Variants in SPOCK1 observed in about 807,000 individuals in gnomAD.
SPOCK1 encodes the protein SPARC (osteonectin), cwcv and kazal like domains proteoglycan 1, also known as testican-1.
Under a neutral mutation model 55.3 loss-of-function variants are expected in SPOCK1, and 23 were observed. The observed-to-expected ratio is 0.42, with a 90% confidence interval of 0.30 to 0.59. SPOCK1 has a LOEUF of 0.59. SPOCK1 is among the 20% of genes least tolerant of loss of function. The probability of loss-of-function intolerance (pLI) is 0.22; values close to 1 mark genes in which losing one functional copy is unlikely to be tolerated. For synonymous variants in SPOCK1, 226 were observed against 221.0 expected, an observed-to-expected ratio of 1.02 and a Z score of -0.20; for missense variants, 499 against 552.5, an observed-to-expected ratio of 0.90 and a Z score of 0.97.
chr5:137,183,839 G>A (rs1755016274), intron 3 of SPOCK1, among the ~76,000 whole-genome samples: 2 of 152,174 alleles, frequency 1.3e-5, no homozygotes. Context: ...CAGACTGCCT[G>A]GATTAAAATT....
chr5:137,063,862 C>A (rs1366153296), intron 6 of SPOCK1, among the ~76,000 whole-genome samples: 2 of 152,202 alleles, frequency 1.3e-5, no homozygotes, highest in Non-Finnish European at 2.9e-5. Flanking sequence ...CTAAAAGAAC[C>A]TAATGCATAT....
chr5:137,365,232 A>G (rs1203763731), intron 2 of SPOCK1: 1 of 152,250 alleles, frequency 6.6e-6, no homozygotes, highest in East Asian at 1.9e-4. Context: ...TGGCCAGTAA[A>G]CAAGTGAGGA....
chr5:137,120,536 G>T (rs1411495861), intron 4 of SPOCK1, among the ~76,000 whole-genome samples: 3 of 152,190 alleles, frequency 2.0e-5, no homozygotes, highest in Non-Finnish European at 2.9e-5. Flanking sequence ...ATAGATGAGA[G>T]GATTGAACAG....
At chr5:137,140,381 A>T (rs193264830) in intron 4 of SPOCK1, among the ~76,000 whole-genome samples, 199 bp downstream of exon 4, 6 of 152,328 alleles carry the variant, frequency 3.9e-5, no homozygotes, top group African/African-American at 1.4e-4. Context: ...GGAAATAAAG[A>T]TGGACATTCT....
chr5:137,288,379 G>C (rs1330592273), intron 2 of SPOCK1, among the ~76,000 whole-genome samples: 1 of 152,172 alleles, frequency 6.6e-6, no homozygotes. Context: ...TTGACAATAA[G>C]CTGCCCACAA....
At chr5:137,101,275 T>C (rs1753260856) in intron 5 of SPOCK1, among the ~76,000 whole-genome samples, 1 of 152,252 alleles carries the variant, frequency 6.6e-6, no homozygotes, top group African/African-American at 2.4e-5. Context: ...CCTTTCTGTC[T>C]TTTAAAGGAT....
At chr5:137,279,022 A>G (rs558790358) in intron 2 of SPOCK1, among the ~76,000 whole-genome samples, 3 of 152,160 alleles carry the variant, frequency 2.0e-5, no homozygotes, top group South Asian at 4.2e-4. Flanking sequence ...ACAGAGACAG[A>G]GTGAGGCTAA....
intron 2 of SPOCK1, among the ~76,000 whole-genome samples, chr5:137,460,236 A>T (rs1213826843): frequency 6.6e-6 from 1 of 152,180 alleles, no homozygotes; most frequent in Non-Finnish European, 1.5e-5. Flanking sequence ...GCAATGGCTC[A>T]AGAAGTCTGG....
intron 3 of SPOCK1, among the ~76,000 whole-genome samples, chr5:137,175,069 A>C (rs1177499451): frequency 6.6e-6 from 1 of 152,220 alleles, no homozygotes; most frequent in African/African-American, 2.4e-5. Flanking sequence ...GCCCTCAAGG[A>C]GTTCACACAA....
At chr5:137,243,278 G>A (rs565853795) in intron 3 of SPOCK1, among the ~76,000 whole-genome samples, 8 of 152,080 alleles carry the variant, frequency 5.3e-5, no homozygotes, top group East Asian at 3.9e-4. Flanking sequence ...CATAATCGGC[G>A]GCTATTTTTT....
chr5:137,301,590 A>T (rs1757589857), intron 2 of SPOCK1, among the ~76,000 whole-genome samples: 1 of 148,312 alleles, frequency 6.7e-6, no homozygotes, highest in Non-Finnish European at 1.5e-5. Context: ...TCCGGTTGTG[A>T]TCTTCAGGAA....
rs374262134 is a variant in SPOCK1, at chr5:137,076,008, C to T, written c.475-8179G>A. Among the ~76,000 whole-genome samples the T allele has an allele frequency of 1.8e-4, 28 of 152,320 alleles. No individual in the cohort carries two copies. In the East Asian group the frequency reaches 3.7e-3, roughly 20 times the overall value. On this transcript the variant is annotated intron_variant, in intron 5 of 10. Coordinates refer to ENST00000394945, the MANE Select transcript of SPOCK1 (RefSeq NM_004598.4). The stretch of plus-strand genomic sequence containing the variant: ...TGCAGATGAGGAAGGACTTGAAGTT[C>T]CTGGGCCTGTCATCCTCTCTAGGAG...
At chr5:137,224,353 C>G (rs2127089564) in intron 3 of SPOCK1, among the ~76,000 whole-genome samples, 1 of 152,342 alleles carries the variant, frequency 6.6e-6, no homozygotes, top group Middle Eastern at 3.4e-3. Context: ...GCAGGGTATA[C>G]ACATACATTG....
intron 5 of SPOCK1, among the ~76,000 whole-genome samples, chr5:137,100,599 T>C (rs1325247087): frequency 2.0e-5 from 3 of 152,216 alleles, no homozygotes; most frequent in Non-Finnish European, 2.9e-5. Context: ...CAGCTTCCTA[T>C]AGCATCCAAG....
intron 2 of SPOCK1, among the ~76,000 whole-genome samples, chr5:137,281,736 C>T (rs375238070): frequency 1.3e-5 from 2 of 152,300 alleles, no homozygotes; most frequent in African/African-American, 4.8e-5. Context: ...ACACAAGTCA[C>T]AGCTAGAACT....
At chr5:137,343,997 T>C (rs570800161) in intron 2 of SPOCK1, among the ~76,000 whole-genome samples, 4 of 152,316 alleles carry the variant, frequency 2.6e-5, no homozygotes, top group Admixed American at 2.0e-4. Flanking sequence ...AGTGAACTCT[T>C]TTCCCCACAG....
chr5:137,174,978 G>A (rs1029779108), intron 3 of SPOCK1, among the ~76,000 whole-genome samples: 1 of 152,102 alleles, frequency 6.6e-6, no homozygotes, highest in Non-Finnish European at 1.5e-5. Flanking sequence ...AGCATTACAG[G>A]CCCAAACCCA....
At chr5:137,414,277 A>C (rs1157709224) in intron 2 of SPOCK1, among the ~76,000 whole-genome samples, 1 of 152,230 alleles carries the variant, frequency 6.6e-6, no homozygotes, top group Non-Finnish European at 1.5e-5. Flanking sequence ...TGAGCAGGCC[A>C]GTATTTCTGA....
At chr5:137,127,480 T>C (rs1753800353) in intron 4 of SPOCK1, among the ~76,000 whole-genome samples, 1 of 152,240 alleles carries the variant, frequency 6.6e-6, no homozygotes, top group Non-Finnish European at 1.5e-5. Flanking sequence ...GCCATCTCAA[T>C]GGGTCCAGAA....
Sources: gnomAD v4.1 joint callset for allele counts (sites outside exome capture counted in the v4.1 genomes callset) on GRCh38, gnomAD v4.1.1 for gene constraint, MANE v1.5 for transcripts, NCBI Gene and HGNC (gene_info 2026-07-23, HGNC 2026-07-21) for gene names.